The following SDK1 variants were observed in gnomAD, a reference collection of about 807,000 sequenced individuals.
SDK1 encodes protein sidekick-1.
SDK1 carries 157 observed loss-of-function variants against 245.5 expected under a neutral mutation model. The observed-to-expected ratio is 0.64, with a 90% confidence interval of 0.56 to 0.73. The LOEUF (loss-of-function observed/expected upper bound fraction) is 0.73. Ranked by LOEUF, SDK1 falls within the 30% of genes least tolerant of loss-of-function variation. The pLI, the probability that SDK1 is intolerant of heterozygous loss-of-function variation, is 0.00. For synonymous variants in SDK1, 1,647 were observed against 1,278.5 expected, an observed-to-expected ratio of 1.29 and a Z score of -6.15; for missense variants, 3,583 against 3,002.3, an observed-to-expected ratio of 1.19 and a Z score of -4.52.
At chr7:3,744,223 C>A (rs961667417) in intron 4 of SDK1, among the ~76,000 whole-genome samples, 1 of 152,046 alleles carries the variant, frequency 6.6e-6, no homozygotes, top group Non-Finnish European at 1.5e-5. Flanking sequence ...TCCTCTTCAT[C>A]CAAAATAGCC....
intron 4 of SDK1, among the ~76,000 whole-genome samples, chr7:3,758,687 C>T (rs1465447368): frequency 1.3e-5 from 2 of 152,164 alleles, no homozygotes; most frequent in Non-Finnish European, 2.9e-5. Context: ...GTCACCTGCA[C>T]CCGCCCAGAG....
At position 4,232,104 on chromosome 7, in the gene SDK1, C is replaced by T. The variant is rs541494711; in HGVS notation, c.5828-1151C>T. Among the ~76,000 whole-genome samples the T allele has an allele frequency of 5.4e-5, 8 of 147,242 alleles. No individual in the cohort carries two copies. In the South Asian group the frequency reaches 6.5e-4, roughly 12 times the overall value. ...TTAGAATTGAATTTATACAAACACA[C>T]GTACAGCACTTACTATGTGTGAGGC... On this transcript the variant is annotated intron_variant, in intron 40 of 44. Coordinates refer to ENST00000404826, the MANE Select transcript of SDK1 (RefSeq NM_152744.4).
At chr7:3,517,355 G>T (rs1048988219) in intron 1 of SDK1, among the ~76,000 whole-genome samples, 1 of 152,102 alleles carries the variant, frequency 6.6e-6, no homozygotes, top group Non-Finnish European at 1.5e-5. Flanking sequence ...GCTGATTTTT[G>T]TCTAGTGTAC....
intron 5 of SDK1, among the ~76,000 whole-genome samples, chr7:3,885,775 T>C (rs574547093): frequency 1.3e-5 from 2 of 152,348 alleles, no homozygotes; most frequent in African/African-American, 2.4e-5. Context: ...TACAGTTCCA[T>C]TGAAGCCTTT....
At chr7:4,240,330 C>T (rs12668006) in intron 42 of SDK1, among the ~76,000 whole-genome samples, 1 of 152,054 alleles carries the variant, frequency 6.6e-6, no homozygotes, top group Non-Finnish European at 1.5e-5. Flanking sequence ...GAATGTCTCC[C>T]GTCCTGCCCA....
At chr7:3,782,885 T>C (rs1383700204) in intron 4 of SDK1, among the ~76,000 whole-genome samples, 1 of 152,184 alleles carries the variant, frequency 6.6e-6, no homozygotes, top group Admixed American at 6.5e-5. Context: ...AAGCCAACAT[T>C]ACCTTGGTAC....
chr7:3,797,353 T>C (rs1778985278), intron 4 of SDK1, among the ~76,000 whole-genome samples: 3 of 151,452 alleles, frequency 2.0e-5, no homozygotes, highest in African/African-American at 7.3e-5. Context: ...TTTCTTTTTT[T>C]CTCTTTCCCT....
At chr7:3,587,970 C>T (rs958822789) in intron 1 of SDK1, among the ~76,000 whole-genome samples, 44 of 152,234 alleles carry the variant, frequency 2.9e-4, no homozygotes, top group African/African-American at 1.0e-3. Context: ...TATGTCTATG[C>T]CAATACAGGC....
intron 1 of SDK1, among the ~76,000 whole-genome samples, chr7:3,574,804 A>G (rs750661599): frequency 1.3e-5 from 2 of 152,116 alleles, no homozygotes; most frequent in Non-Finnish European, 2.9e-5. Context: ...AGATGATGAA[A>G]GGTGACAGAA....
chr7:3,564,202 G>A (rs1267974538), intron 1 of SDK1, among the ~76,000 whole-genome samples: 3 of 152,002 alleles, frequency 2.0e-5, no homozygotes, highest in Non-Finnish European at 4.4e-5. Flanking sequence ...ATAAAGGTAA[G>A]TACAGAAAGC....
At chr7:4,113,675 T>C (rs1046440137) in intron 24 of SDK1, among the ~76,000 whole-genome samples, 2 of 152,318 alleles carry the variant, frequency 1.3e-5, no homozygotes, top group African/African-American at 2.4e-5. Flanking sequence ...GGAATATTCC[T>C]TGGGGCAGGA....
At chr7:3,465,731 G>A (rs1583898466) in intron 1 of SDK1, among the ~76,000 whole-genome samples, 1 of 152,136 alleles carries the variant, frequency 6.6e-6, no homozygotes, top group South Asian at 2.1e-4. Context: ...AAGGTGTGAA[G>A]GAGTGTCCTG....
chr7:3,885,347 G>A (rs10269660), intron 5 of SDK1, among the ~76,000 whole-genome samples: 3,429 of 152,272 alleles, frequency 0.023, 135 homozygotes, highest in African/African-American at 0.08. Flanking sequence ...GGTGGGCTGC[G>A]TGGGCTGTGG....
At chr7:4,125,540 G>A (rs921822345) in intron 25 of SDK1, among the ~76,000 whole-genome samples, 1 of 152,184 alleles carries the variant, frequency 6.6e-6, no homozygotes, top group Non-Finnish European at 1.5e-5. Flanking sequence ...TGGATGGATA[G>A]ATGAGTGGGT....
chr7:3,724,977 G>GGTTTTCCC (rs1369209891), intron 4 of SDK1, among the ~76,000 whole-genome samples: 1 of 152,232 alleles, frequency 6.6e-6, no homozygotes, highest in Non-Finnish European at 1.5e-5. Context: ...TTCGTGGACA[G>GGTTTTCCC]CCAGCTCAGC....
At chr7:3,916,871 A>G (rs772839993) in intron 5 of SDK1, among the ~76,000 whole-genome samples, 22 of 152,320 alleles carry the variant, frequency 1.4e-4, no homozygotes, top group Non-Finnish European at 1.5e-4. Flanking sequence ...ATGGATGGAT[A>G]GATAGATAAT....
At chr7:3,784,514 A>G (rs112022421) in intron 4 of SDK1, among the ~76,000 whole-genome samples, 3,086 of 152,226 alleles carry the variant, frequency 0.02, 71 homozygotes, top group African/African-American at 0.059. Context: ...CTCAATAGAA[A>G]GAATACAAAA....
intron 4 of SDK1, among the ~76,000 whole-genome samples, chr7:3,674,083 AC>A (rs1287830072): frequency 3.9e-5 from 6 of 152,300 alleles, no homozygotes; most frequent in Middle Eastern, 3.4e-3. Flanking sequence ...GGAGAAAAAA[AC>A]ATCTCTGAAT....
At position 3,897,097 on chromosome 7, in the gene SDK1, A is replaced by T. The variant is rs1350747805; in HGVS notation, c.848-53826A>T. ...CATGAAAGCAGCAAGAGGGAAATTCACCCCTTAATTCAATCACCTCCCACT... is the reference window on the plus strand; with the variant it reads ...CATGAAAGCAGCAAGAGGGAAATTCTCCCCTTAATTCAATCACCTCCCACT... On this transcript the variant is annotated intron_variant, in intron 5 of 44. Transcript: ENST00000404826. Among the ~76,000 whole-genome samples the T allele has an allele frequency of 3.9e-5, 6 of 152,042 alleles. No individual in the cohort carries two copies. In the East Asian group the frequency reaches 1.2e-3, roughly 29 times the overall value.
Sources: allele counts gnomAD v4.1 joint callset (sites outside exome capture counted in the v4.1 genomes callset), GRCh38; gene constraint gnomAD v4.1.1; transcripts MANE v1.5; gene names NCBI Gene and HGNC (gene_info 2026-07-23, HGNC 2026-07-21).